SGCZ: variants seen among roughly 807,000 people sequenced by gnomAD.
SGCZ encodes the protein zeta-sarcoglycan.
SGCZ carries 40 observed loss-of-function variants against 41.3 expected under a neutral mutation model. That is an observed-to-expected ratio of 0.97 (90% CI 0.75 to 1.26). The LOEUF (loss-of-function observed/expected upper bound fraction) is 1.26, where lower values mean the gene tolerates loss of function less well. SGCZ is among the 50% of genes most tolerant of loss of function. The pLI is 0.00. For synonymous variants in SGCZ, 206 were observed against 137.5 expected (o/e 1.50, Z -3.49); for missense variants, 552 against 369.8 (o/e 1.49, Z -4.04).
chr8:14,292,515 G>A (rs767628445), intron 3 of SGCZ, among the ~76,000 whole-genome samples: 11 of 152,032 alleles, frequency 7.2e-5, no homozygotes, highest in Non-Finnish European at 1.5e-4. Flanking sequence ...TGAAGATGAG[G>A]CACAAGATAG....
At chr8:15,149,329 T>G (rs1329817238) in intron 1 of SGCZ, among the ~76,000 whole-genome samples, 1 of 152,176 alleles carries the variant, frequency 6.6e-6, no homozygotes, top group African/African-American at 2.4e-5. Context: ...AGGATTGGTG[T>G]GCAGAATAAA....
At chr8:14,324,918 T>A (rs923967769) in intron 2 of SGCZ, among the ~76,000 whole-genome samples, 2 of 152,124 alleles carry the variant, frequency 1.3e-5, no homozygotes, top group African/African-American at 4.8e-5. Flanking sequence ...ACAGGGAAGG[T>A]CCCTGGAGGG....
intron 2 of SGCZ, among the ~76,000 whole-genome samples, chr8:14,493,510 G>A (rs1167144625): frequency 9.9e-5 from 15 of 150,798 alleles, no homozygotes; most frequent in African/African-American, 3.2e-4. Context: ...TGGAACTACA[G>A]GTGTGCACTA....
At chr8:14,308,980 A>T (rs879701626) in intron 3 of SGCZ, 20 of 757,256 alleles carry the variant, frequency 2.6e-5, no homozygotes, top group Admixed American at 7.2e-5. Flanking sequence ...TGTCTTGAGG[A>T]TGAATTCCAA....
At chr8:14,360,949 T>C (rs1803489411) in intron 2 of SGCZ, among the ~76,000 whole-genome samples, 1 of 152,210 alleles carries the variant, frequency 6.6e-6, no homozygotes, top group Non-Finnish European at 1.5e-5. Context: ...CTCAGCAGCA[T>C]GTGACGTTGC....
chr8:14,872,291 C>T (rs988055987), intron 1 of SGCZ, among the ~76,000 whole-genome samples: 1 of 152,016 alleles, frequency 6.6e-6, no homozygotes, highest in African/African-American at 2.4e-5. Context: ...ACATTCTGCA[C>T]ATATATCCCA....
intron 1 of SGCZ, among the ~76,000 whole-genome samples, chr8:14,718,873 A>G (rs1160294287): frequency 2.5e-5 from 3 of 120,032 alleles, no homozygotes; most frequent in Non-Finnish European, 4.8e-5. Context: ...TTATTATTAT[A>G]CTTTGTTTTA....
At chr8:14,604,333 G>A (rs1040893475) in intron 1 of SGCZ, among the ~76,000 whole-genome samples, 4 of 152,120 alleles carry the variant, frequency 2.6e-5, no homozygotes, top group African/African-American at 4.8e-5. Context: ...GAGGCCTAGT[G>A]TAAGCTCACC....
intron 1 of SGCZ, among the ~76,000 whole-genome samples, chr8:14,605,608 C>T (rs1378379497): frequency 6.6e-6 from 1 of 152,108 alleles, no homozygotes; most frequent in Non-Finnish European, 1.5e-5. Context: ...TCTCTATCTC[C>T]CTAAGTTCAA....
intron 1 of SGCZ, among the ~76,000 whole-genome samples, chr8:15,116,926 C>T (rs1807290172): frequency 6.6e-6 from 1 of 152,172 alleles, no homozygotes; most frequent in African/African-American, 2.4e-5. Context: ...AACTGTATAA[C>T]TTTTATTCAA....
chr8:15,167,928 T>A (rs1160324549), intron 1 of SGCZ, among the ~76,000 whole-genome samples: 1 of 152,152 alleles, frequency 6.6e-6, no homozygotes, highest in African/African-American at 2.4e-5. Flanking sequence ...GTCATGGGAA[T>A]AAATAGGGTG....
chr8:14,497,214 T>C (rs1056625657), intron 2 of SGCZ, among the ~76,000 whole-genome samples: 1 of 152,162 alleles, frequency 6.6e-6, no homozygotes, highest in Non-Finnish European at 1.5e-5. Context: ...TGGCTCACGG[T>C]TCTGCAAGCT....
At chr8:14,185,609 C>G (rs1209506509) in intron 4 of SGCZ, among the ~76,000 whole-genome samples, 1 of 152,068 alleles carries the variant, frequency 6.6e-6, no homozygotes. Flanking sequence ...TCTCATAGTA[C>G]TTTTGTGAAA....
intron 2 of SGCZ, among the ~76,000 whole-genome samples, chr8:14,416,078 C>T (rs1189811252): frequency 6.6e-6 from 1 of 151,910 alleles, no homozygotes; most frequent in African/African-American, 2.4e-5. Flanking sequence ...CTTGAGGAGA[C>T]TCCATAGCAT....
intron 1 of SGCZ, among the ~76,000 whole-genome samples, chr8:14,980,071 G>T (rs1230561636): frequency 6.6e-6 from 1 of 152,160 alleles, no homozygotes; most frequent in Non-Finnish European, 1.5e-5. Flanking sequence ...GAAAAGTAAA[G>T]TGATGGAGAT....
intron 1 of SGCZ, among the ~76,000 whole-genome samples, chr8:15,017,343 C>T (rs1803077268): frequency 1.3e-5 from 2 of 152,172 alleles, no homozygotes; most frequent in African/African-American, 4.8e-5. Flanking sequence ...AACTGCTATG[C>T]TCCCATTCAC....
chr8:14,164,422 A>G (rs1340573178), intron 5 of SGCZ, among the ~76,000 whole-genome samples, 158 bp downstream of exon 5: 1 of 152,170 alleles, frequency 6.6e-6, no homozygotes, highest in Non-Finnish European at 1.5e-5. Flanking sequence ...AACCACAACC[A>G]GTGCCTTCCA....
At chr8:14,417,617 A>G (rs755616005) in intron 2 of SGCZ, among the ~76,000 whole-genome samples, 3 of 152,024 alleles carry the variant, frequency 2.0e-5, no homozygotes, top group African/African-American at 7.2e-5. Flanking sequence ...TAATATTTAC[A>G]ATATTTTGAA....
intron 3 of SGCZ, among the ~76,000 whole-genome samples, chr8:14,260,732 T>C (rs1337601134): frequency 6.6e-6 from 1 of 152,108 alleles, no homozygotes; most frequent in Non-Finnish European, 1.5e-5. Flanking sequence ...ATTAAGAAAA[T>C]GTGGCACATA....
Sources: gnomAD v4.1 joint callset for allele counts (sites outside exome capture counted in the v4.1 genomes callset) on GRCh38, gnomAD v4.1.1 for gene constraint, MANE v1.5 for transcripts, NCBI Gene and HGNC (gene_info 2026-07-23, HGNC 2026-07-21) for gene names.